Variants in LANCL3 observed in about 807,000 individuals in gnomAD.
LANCL3 encodes lanC-like protein 3.
LANCL3 carries 19 observed loss-of-function variants against 26.5 expected under a neutral mutation model. The observed-to-expected ratio is 0.72, with a 90% CI of 0.50 to 1.05. LANCL3 has a LOEUF of 1.05. Ranked by LOEUF, LANCL3 falls within the 50% of genes least tolerant of loss-of-function variation. The pLI, the probability that LANCL3 is intolerant of heterozygous loss-of-function variation, is 0.00. For missense variants in LANCL3, 318 were observed against 362.7 expected, an observed-to-expected ratio of 0.88 and a Z score of 1.00; for synonymous variants, 160 against 166.6, an observed-to-expected ratio of 0.96 and a Z score of 0.30.
intron 3 of LANCL3, among the ~76,000 whole-genome samples, chrX:37,660,261 G>C (rs782237197): frequency 9.0e-6 from 1 of 111,240 alleles, no homozygotes; most frequent in Non-Finnish European, 1.9e-5. Context: ...CAGAATCTCA[G>C]GCCCCACCCT....
intron 1 of LANCL3, among the ~76,000 whole-genome samples, chrX:37,639,313 T>TAA (rs1358042333): frequency 2.9e-5 from 3 of 104,075 alleles, no homozygotes; most frequent in Non-Finnish European, 5.9e-5. Context: ...TATATATATA[T>TAA]AACATGCATG....
At chrX:37,625,917 G>A (rs1228873580) in intron 1 of LANCL3, among the ~76,000 whole-genome samples, 4 of 111,468 alleles carry the variant, frequency 3.6e-5, no homozygotes, top group African/African-American at 1.3e-4. Context: ...GCTTCAGGCT[G>A]TATGCAGGGT....
chrX:37,671,566 C>T lies in LANCL3; in HGVS notation c.1103+4077C>T, dbSNP rs189037792. Among the ~76,000 whole-genome samples, 511 of 110,994 alleles carry T rather than the reference C, an allele frequency of 4.6e-3. 3 individuals are homozygous for T. Among genetic ancestry groups the T allele is most frequent in the Non-Finnish European group, 5.9e-3 (313 of 52,936 alleles). On this transcript the variant is annotated intron_variant, in intron 4 of 4. Transcript: ENST00000378619. ...TCTAATCTCATTCCCTACTCTTCTTCCTCCTGGTTCTGTCTACCACTGTGG... is the reference window on the plus strand; with the variant it reads ...TCTAATCTCATTCCCTACTCTTCTTTCTCCTGGTTCTGTCTACCACTGTGG...
chrX:37,659,420 C>G, intron 2 of LANCL3, 42 bp from the exon 3 acceptor site: 1 of 1,009,725 alleles, frequency 9.9e-7, no homozygotes, highest in Non-Finnish European at 1.4e-6. Flanking sequence ...AACTAGCTGT[C>G]CTCCCAATTG....
Position 37,572,360 on chromosome X carries a change from G to C in LANCL3, c.490G>C (p.Glu164Gln), listed in dbSNP as rs782792828. ...CGTCTGCGCGCCGGTCTCCTTCCTG[G>C]AGTGCGGCTCCGACGAGCTGTTCGT... ...CAVCAPVSFL[E>Q]CGSDELFVGR... Residue 164 changes from glutamate to glutamine, a missense_variant, in exon 1 of 5, where the codon GAG becomes CAG. By Grantham distance (29) the Glu-to-Gln change is conservative. Transcript: ENST00000378619. 1.3e-5 allele frequency: 15 copies of C among 1,166,942 alleles called. No individual in the cohort carries two copies. The East Asian group carries it at 4.8e-4, about 38-fold the overall frequency.
intron 1 of LANCL3, among the ~76,000 whole-genome samples, chrX:37,622,702 A>G (rs1925202118): frequency 8.9e-6 from 1 of 111,742 alleles, no homozygotes; most frequent in Non-Finnish European, 1.9e-5. Flanking sequence ...ACTGGTGTCT[A>G]TTTGATCAAT....
intron 3 of LANCL3, among the ~76,000 whole-genome samples, chrX:37,666,864 T>A (rs1237199756): frequency 8.9e-6 from 1 of 112,467 alleles, no homozygotes; most frequent in Non-Finnish European, 1.9e-5. Flanking sequence ...TTCATTACAA[T>A]ACAAATATTT....
intron 2 of LANCL3, among the ~76,000 whole-genome samples, chrX:37,658,275 A>G (rs1556431611): frequency 2.7e-5 from 3 of 111,942 alleles, no homozygotes; most frequent in African/African-American, 6.5e-5. Flanking sequence ...ATGATTTCTT[A>G]TATAACTAAA....
chrX:37,659,839 C>G (rs946875304), intron 3 of LANCL3, among the ~76,000 whole-genome samples, 180 bp downstream of exon 3: 11 of 111,456 alleles, frequency 9.9e-5, no homozygotes, highest in African/African-American at 3.6e-4. Flanking sequence ...GAAAATGGTC[C>G]TCTACATTTT....
At chrX:37,620,959 T>G (rs1556422196) in intron 1 of LANCL3, among the ~76,000 whole-genome samples, 2 of 111,397 alleles carry the variant, frequency 1.8e-5, no homozygotes, top group Admixed American at 9.5e-5. Flanking sequence ...CCTAGTACAC[T>G]TCTGGAGTGG....
intron 1 of LANCL3, among the ~76,000 whole-genome samples, chrX:37,613,365 T>A (rs1169820101): frequency 9.0e-6 from 1 of 110,881 alleles, no homozygotes; most frequent in Non-Finnish European, 1.9e-5. Flanking sequence ...ATTGGATGAG[T>A]TATAATAGTA....
chrX:37,595,596 C>G (rs567241559), intron 1 of LANCL3, among the ~76,000 whole-genome samples: 2 of 112,344 alleles, frequency 1.8e-5, no homozygotes, highest in African/African-American at 6.5e-5. Flanking sequence ...GATCCACTTA[C>G]GCGTTTCTGT....
chrX:37,572,335 C>G lies in LANCL3; in HGVS notation c.465C>G (p.Ala155=), dbSNP rs782106201. The G allele has an allele frequency of 1.8e-5, 21 of 1,162,985 alleles. No homozygotes were observed. Among genetic ancestry groups the G allele is most frequent in the African/African-American group, 5.4e-5 (3 of 55,827 alleles). ...QPLGKFRALC[A]VCAPVSFLEC... ...TGGGCAAGTTCCGGGCTCTGTGTGC[C>G]GTCTGCGCGCCGGTCTCCTTCCTGG... Residue 155 remains alanine, a synonymous_variant, in exon 1 of 5, where the codon GCC becomes GCG. Coordinates refer to ENST00000378619, the MANE Select transcript of LANCL3 (RefSeq NM_001170331.2).
intron 1 of LANCL3, among the ~76,000 whole-genome samples, chrX:37,645,097 T>C (rs1431880263): frequency 8.9e-6 from 1 of 112,594 alleles, no homozygotes; most frequent in Non-Finnish European, 1.9e-5. Context: ...CTAGTGACAG[T>C]TGGTGCAGAC....
At chrX:37,596,135 G>T (rs1269923285) in intron 1 of LANCL3, among the ~76,000 whole-genome samples, 1 of 111,688 alleles carries the variant, frequency 9.0e-6, no homozygotes, top group Admixed American at 9.5e-5. Context: ...AGGAAAAATG[G>T]GTCCTCGTAA....
chrX:37,638,292 A>G (rs1054047590), intron 1 of LANCL3, among the ~76,000 whole-genome samples: 2 of 111,439 alleles, frequency 1.8e-5, no homozygotes, highest in Non-Finnish European at 3.8e-5. Flanking sequence ...GGGACAGGCA[A>G]GGTTGTGCCC....
chrX:37,642,684 A>C (rs1394128498), intron 1 of LANCL3, among the ~76,000 whole-genome samples: 1 of 112,271 alleles, frequency 8.9e-6, no homozygotes, highest in Admixed American at 9.5e-5. Flanking sequence ...CCACATAGCC[A>C]ACCCTAGCTA....
In LANCL3 at chrX:37,572,037, C is replaced by CG; in HGVS notation, c.172dup (p.Ala58GlyfsTer2). The CG allele has an allele frequency of 8.5e-7, 1 of 1,178,439 alleles. No homozygotes were observed. The highest frequency in any genetic ancestry group is 2.4e-5 in the Admixed American group (1 of 42,534). ...GGCGCGGAGGCCCGAGGGGCGACGGCGGGGGCTAGCGCCTGCCAGGGGGGG... is the reference window on the plus strand; with the variant it reads ...GGCGCGGAGGCCCGAGGGGCGACGGCGGGGGGCTAGCGCCTGCCAGGGGGGG... On this transcript the variant is annotated frameshift_variant, in exon 1 of 5. Coordinates refer to ENST00000378619, the MANE Select transcript of LANCL3 (RefSeq NM_001170331.2). LOFTEE classifies it high-confidence loss of function.
In LANCL3 at chrX:37,655,673, G is replaced by A. The variant is rs375843064; in HGVS notation, c.574-15G>A. The A allele has an allele frequency of 1.1e-5, 13 of 1,179,412 alleles. No individual in the cohort carries two copies. The highest frequency in any genetic ancestry group is 1.5e-5 in the Non-Finnish European group (13 of 881,421). ...GATCCTGCTTTGACTTCTACTTCTG[G>A]ATTTCCTTATTCAGGTGCTGACTCC... On this transcript the variant is annotated splice_polypyrimidine_tract_variant and intron_variant, in intron 1 of 4. Coordinates refer to ENST00000378619, the MANE Select transcript of LANCL3 (RefSeq NM_001170331.2).
Sources: gnomAD v4.1 joint callset for allele counts (sites outside exome capture counted in the v4.1 genomes callset) on GRCh38, gnomAD v4.1.1 for gene constraint, MANE v1.5 for transcripts, NCBI Gene and HGNC (gene_info 2026-07-23, HGNC 2026-07-21) for gene names.